Variants in DIPK2B observed in about 807,000 individuals in gnomAD.
The protein encoded by DIPK2B is divergent protein kinase domain 2B.
A neutral mutation model predicts 22.2 loss-of-function variants in DIPK2B; 15 were observed. The ratio of observed to expected loss-of-function variants is 0.68; its 90% CI spans 0.45 to 1.04. The LOEUF (loss-of-function observed/expected upper bound fraction) is 1.04, where lower values mean the gene tolerates loss of function less well. Among genes scored for constraint, DIPK2B ranks in the 50% least tolerant of loss-of-function variants. The probability of loss-of-function intolerance (pLI) is 0.00; values close to 1 mark genes in which losing one functional copy is unlikely to be tolerated. For synonymous variants in DIPK2B, 163 were observed against 153.2 expected (o/e 1.06, Z -0.47); for missense variants, 345 against 348.3 (o/e 0.99, Z 0.08).
intron 2 of DIPK2B, among the ~76,000 whole-genome samples, chrX:45,187,820 C>A (rs1240350931): frequency 9.0e-6 from 1 of 111,155 alleles, no homozygotes; most frequent in Non-Finnish European, 1.9e-5. Flanking sequence ...TCATCTCTGC[C>A]TTGTCAGTTC....
intron 3 of DIPK2B, among the ~76,000 whole-genome samples, chrX:45,155,577 G>A (rs1200106621): frequency 1.8e-5 from 2 of 109,446 alleles, no homozygotes; most frequent in Non-Finnish European, 3.8e-5. Context: ...TCTGCCAGCC[G>A]TGGGTGAATC....
At chrX:45,199,708 C>G (rs1442831569) in intron 1 of DIPK2B, among the ~76,000 whole-genome samples, 1 of 111,181 alleles carries the variant, frequency 9.0e-6, no homozygotes, top group Non-Finnish European at 1.9e-5. Context: ...TTTACACTGC[C>G]CTGCATCAGA....
intron 3 of DIPK2B, among the ~76,000 whole-genome samples, 158 bp downstream of exon 3, chrX:45,157,557 C>T (rs6521006): frequency 0.33 from 35,980 of 110,539 alleles, 4,307 homozygotes; most frequent in Admixed American, 0.48. Context: ...AGCCACAGCA[C>T]TTTCACACTG....
intron 2 of DIPK2B, chrX:45,163,420 G>T: frequency 2.0e-5 from 15 of 754,033 alleles, no homozygotes; most frequent in Non-Finnish European, 2.2e-5. Context: ...TACAAAAATG[G>T]ACAGCAATGA....
At chrX:45,181,661 A>G (rs946567502) in intron 2 of DIPK2B, among the ~76,000 whole-genome samples, 5 of 111,675 alleles carry the variant, frequency 4.5e-5, no homozygotes, top group African/African-American at 1.6e-4. Flanking sequence ...TGGGGAAAAA[A>G]CCCTTAACAC....
chrX:45,165,476 T>C (rs942430799), intron 2 of DIPK2B, among the ~76,000 whole-genome samples: 1 of 110,733 alleles, frequency 9.0e-6, no homozygotes, highest in Non-Finnish European at 1.9e-5. Context: ...CAAGGAGGGA[T>C]TGAGCAGAAA....
At chrX:45,155,925 G>A (rs1248111354) in intron 3 of DIPK2B, among the ~76,000 whole-genome samples, 1 of 102,225 alleles carries the variant, frequency 9.8e-6, no homozygotes, top group Non-Finnish European at 2.0e-5. Flanking sequence ...TGAAGAACCC[G>A]TGCCCATTTG....
At chrX:45,196,886 T>C (rs2047241714) in intron 1 of DIPK2B, among the ~76,000 whole-genome samples, 1 of 112,308 alleles carries the variant, frequency 8.9e-6, no homozygotes, top group Admixed American at 9.4e-5. Flanking sequence ...ATGGAATGCA[T>C]GGGAAAATTA....
At chrX:45,193,189 C>T (rs1359442125) in intron 1 of DIPK2B, among the ~76,000 whole-genome samples, 1 of 112,506 alleles carries the variant, frequency 8.9e-6, no homozygotes, top group African/African-American at 3.2e-5. Context: ...AATGTTAAAT[C>T]TCTTTTTGAT....
At chrX:45,162,896 G>A (rs2047029316) in intron 2 of DIPK2B, 34 of 753,840 alleles carry the variant, frequency 4.5e-5, no homozygotes, top group Non-Finnish European at 5.3e-5. Flanking sequence ...TTGGTTCAGG[G>A]TGATGCTGAG....
chrX:45,187,307 C>T (rs996840674), intron 2 of DIPK2B, among the ~76,000 whole-genome samples: 1 of 112,363 alleles, frequency 8.9e-6, no homozygotes, highest in African/African-American at 3.2e-5. Context: ...TGTGAACAAG[C>T]ACCTTATCAT....
intron 2 of DIPK2B, chrX:45,164,344 G>T: frequency 1.1e-6 from 1 of 930,893 alleles, no homozygotes; most frequent in Non-Finnish European, 1.5e-6. Flanking sequence ...AAATGCAAAT[G>T]GCAGATAGCA....
At chrX:45,164,348 G>T in intron 2 of DIPK2B, 1 of 905,611 alleles carries the variant, frequency 1.1e-6, no homozygotes, top group Non-Finnish European at 1.5e-6. Flanking sequence ...GCAAATGGCA[G>T]ATAGCATTAT....
At chrX:45,155,451 T>C (rs1051252708) in intron 3 of DIPK2B, among the ~76,000 whole-genome samples, 1 of 106,285 alleles carries the variant, frequency 9.4e-6, no homozygotes, top group African/African-American at 3.4e-5. Context: ...TATATATATA[T>C]TTATATAAAA....
intron 2 of DIPK2B, among the ~76,000 whole-genome samples, chrX:45,171,232 C>T (rs192374372): frequency 0.015 from 1,634 of 110,746 alleles, 34 homozygotes; most frequent in South Asian, 0.053. Flanking sequence ...CCTCTTTCTC[C>T]GGTAGCCTGT....
chrX:45,183,466 G>C (rs758555139), intron 2 of DIPK2B: 1 of 112,177 alleles, frequency 8.9e-6, no homozygotes, highest in Non-Finnish European at 1.9e-5. Context: ...AAAAGAGCAA[G>C]AGGGTAGATT....
In DIPK2B at chrX:45,151,337, C is replaced by T. The variant is rs965369641; in HGVS notation, c.*315G>A. ...AAGACCCATGCTTGGGATATATGCT[C>T]AGTGGTGGCTCCATCTGTGTCTTCT... On this transcript the variant is annotated 3_prime_UTR_variant, in exon 5 of 5. Transcript: ENST00000398000. 3.4e-6 allele frequency: 1 copy of T among 295,438 alleles called. No individual in the cohort carries two copies. The highest frequency in any genetic ancestry group is 2.7e-5 in the African/African-American group (1 of 36,710). 24.3% of individuals were successfully genotyped at this position (295,438 alleles called of 1,213,427 possible).
In DIPK2B at chrX:45,150,006, T is replaced by G. The variant is rs1047902895; in HGVS notation, c.*1646A>C. Reference sequence around the variant, plus strand: ...AAGTGATTCTCCTGCCTCAGCCTCCTGAGTAGCTGGGATTACAGGTGCCCG... The same window carrying G: ...AAGTGATTCTCCTGCCTCAGCCTCCGGAGTAGCTGGGATTACAGGTGCCCG... On this transcript the variant is annotated 3_prime_UTR_variant, in exon 5 of 5. Coordinates refer to ENST00000398000, the MANE Select transcript of DIPK2B (RefSeq NM_176819.4). 1.8e-5 allele frequency: 2 copies of G among 112,213 alleles called. No homozygotes were observed. The highest frequency in any genetic ancestry group is 6.5e-5 in the African/African-American group (2 of 30,803). The allele number at this position is 112,213 out of a possible 1,213,427, so 9.2% of individuals were successfully genotyped here. A position where few individuals can be genotyped will look rare whatever the true frequency, so the allele number is the denominator to read the frequency against.
At chrX:45,194,068 T>C (rs1189540557) in intron 1 of DIPK2B, among the ~76,000 whole-genome samples, 1 of 112,172 alleles carries the variant, frequency 8.9e-6, no homozygotes, top group Non-Finnish European at 1.9e-5. Flanking sequence ...ATTCATTTAA[T>C]TGTTTCAATA....
Sources: allele counts gnomAD v4.1 joint callset (sites outside exome capture counted in the v4.1 genomes callset), GRCh38; gene constraint gnomAD v4.1.1; transcripts MANE v1.5; gene names NCBI Gene and HGNC (gene_info 2026-07-23, HGNC 2026-07-21).